TRMT11: variants seen among roughly 807,000 people sequenced by gnomAD.
TRMT11 encodes tRNA methyltransferase 11.
Under a neutral mutation model 62.8 loss-of-function variants are expected in TRMT11, and 53 were observed. The observed-to-expected ratio is 0.84, with a 90% confidence interval of 0.68 to 1.06. The LOEUF is 1.06. Among genes scored for constraint, TRMT11 ranks in the 50% least tolerant of loss-of-function variants. The pLI is 0.00. For synonymous variants in TRMT11, 188 were observed against 190.3 expected (o/e 0.99, Z 0.10); for missense variants, 556 against 553.4 (o/e 1.00, Z -0.05).
chr6:126,112,848 ATTCTTTTT>A (rs533365011), intron 17 of TRMT11, among the ~76,000 whole-genome samples: 104 of 151,818 alleles, frequency 6.9e-4, no homozygotes, highest in African/African-American at 2.3e-3. Context: ...GAGTTTTAGT[ATTCTTTTT>A]TTATTATAGG....
upstream of TRMT11, among the ~76,000 whole-genome samples, chr6:126,175,001 G>A (rs920364766): frequency 6.6e-6 from 1 of 152,200 alleles, no homozygotes; most frequent in Non-Finnish European, 1.5e-5. Context: ...GGAGCATATT[G>A]TATGTGCAAA....
chr6:126,165,494 C>T (rs1778247494), intron 21 of TRMT11, among the ~76,000 whole-genome samples: 1 of 152,192 alleles, frequency 6.6e-6, no homozygotes, highest in African/African-American at 2.4e-5. Flanking sequence ...AAAAATCCCT[C>T]AGCATTTGCT....
intron 21 of TRMT11, among the ~76,000 whole-genome samples, chr6:126,139,940 G>C (rs1271586624): frequency 2.0e-5 from 3 of 151,976 alleles, no homozygotes; most frequent in Admixed American, 2.0e-4. Context: ...GATAGACAAG[G>C]ATGGTGCAGA....
rs769012859 is a variant in TRMT11 at position 125,999,573 on chromosome 6, G to T, written c.639G>T (p.Val213=). Residue 213 remains valine, a synonymous_variant, in exon 7 of 13, where the codon GTG becomes GTT. Transcript: ENST00000334379. ...TCATTATGGCTAACCATGGAAAAGT[G>T]AAAGAAAATGATATTGTCTTTGATC... The part of the protein sequence containing the change: ...LSFIMANHGK[V]KENDIVFDPF... The T allele has an allele frequency of 6.8e-6, 11 of 1,611,718 alleles. No homozygotes were observed. In the African/African-American group the frequency reaches 9.4e-5, roughly 14 times the overall value.
chr6:126,139,861 T>A (rs913275811), intron 21 of TRMT11, among the ~76,000 whole-genome samples: 3 of 152,146 alleles, frequency 2.0e-5, no homozygotes, highest in Admixed American at 6.6e-5. Flanking sequence ...AATTATTATA[T>A]CATTTGCAAA....
chr6:126,013,194 G>T, intron 11 of TRMT11, 93 bp downstream of exon 11: 1 of 1,139,386 alleles, frequency 8.8e-7, no homozygotes, highest in East Asian at 2.5e-5. Flanking sequence ...TGCATTTGGT[G>T]CATCTTTATA....
the TRMT11 span, among the ~76,000 whole-genome samples, chr6:126,262,632 T>C: frequency 6.6e-6 from 1 of 152,182 alleles, no homozygotes; most frequent in Non-Finnish European, 1.5e-5. Flanking sequence ...GTGTGAAATT[T>C]TGGATACTCT....
rs144827448 is a variant in TRMT11 at position 126,038,771 on chromosome 6, C to T, written c.1327C>T (p.Arg443Cys). The change falls in exon 13 of 13, where the codon CGT (arginine) becomes TGT (cysteine). Residue 443 changes from arginine (R) to cysteine (C), a missense_variant. Arg to Cys is a radical substitution (Grantham distance 180). Transcript: ENST00000334379. ...FLPYQGHNSF[R>C]EKYFSGVTKR... Reference sequence around the variant, plus strand: ...GCCATACCAAGGTCATAATTCCTTCCGTGAGAAATATTTTAGTGGGGTAAC... The same window carrying T: ...GCCATACCAAGGTCATAATTCCTTCTGTGAGAAATATTTTAGTGGGGTAAC... 308 of 1,605,290 alleles carry T rather than the reference C, an allele frequency of 1.9e-4. 1 individual carries two copies. The highest frequency in any genetic ancestry group is 3.3e-4 in the Middle Eastern group (2 of 6,026).
intron 21 of TRMT11, among the ~76,000 whole-genome samples, chr6:126,143,175 G>A (rs946826395): frequency 6.6e-6 from 1 of 151,922 alleles, no homozygotes; most frequent in Non-Finnish European, 1.5e-5. Context: ...TGTGCAAATA[G>A]GACTCCAAAA....
chr6:126,238,907 A>G, the TRMT11 span, among the ~76,000 whole-genome samples: 1 of 152,168 alleles, frequency 6.6e-6, no homozygotes, highest in Admixed American at 6.5e-5. Context: ...TATTGGGTGC[A>G]TATATATTTA....
intron 21 of TRMT11, among the ~76,000 whole-genome samples, chr6:126,150,117 G>A (rs1409111880): frequency 6.6e-6 from 1 of 152,126 alleles, no homozygotes; most frequent in Non-Finnish European, 1.5e-5. Context: ...TGGATTAATG[G>A]ACTAATGGAC....
At chr6:126,077,541 A>G (rs1438039331) in intron 17 of TRMT11, among the ~76,000 whole-genome samples, 1 of 152,126 alleles carries the variant, frequency 6.6e-6, no homozygotes, top group Non-Finnish European at 1.5e-5. Flanking sequence ...GGAAACCTCT[A>G]TCTGGAACAC....
chr6:126,006,463 G>A (rs1269848102), intron 7 of TRMT11, among the ~76,000 whole-genome samples: 1 of 151,800 alleles, frequency 6.6e-6, no homozygotes. Context: ...TAACCTTAAA[G>A]TGCTTACTAT....
the TRMT11 span, among the ~76,000 whole-genome samples, chr6:126,271,915 A>G: frequency 6.6e-6 from 1 of 152,220 alleles, no homozygotes; most frequent in East Asian, 1.9e-4. Flanking sequence ...GTGTCAATAG[A>G]TAGCAGACTG....
At chr6:126,032,477 CT>C (rs966855507) in intron 12 of TRMT11, among the ~76,000 whole-genome samples, 1 of 152,144 alleles carries the variant, frequency 6.6e-6, no homozygotes, top group African/African-American at 2.4e-5. Context: ...GTCTCAGAGT[CT>C]TCTCACACGC....
At chr6:126,060,003 T>G (rs992528479) in intron 17 of TRMT11, among the ~76,000 whole-genome samples, 1 of 152,148 alleles carries the variant, frequency 6.6e-6, no homozygotes, top group African/African-American at 2.4e-5. Context: ...AAAATCATGG[T>G]CAATGGAAAC....
intron 17 of TRMT11, among the ~76,000 whole-genome samples, chr6:126,103,172 G>A (rs927750166): frequency 1.3e-5 from 2 of 152,172 alleles, no homozygotes; most frequent in African/African-American, 4.8e-5. Flanking sequence ...ATTTATGCCT[G>A]CCTCATGTAT....
intron 2 of TRMT11, 145 bp from the exon 3 acceptor site, chr6:125,995,822 A>T (rs192789644): frequency 1.6e-6 from 1 of 624,978 alleles, no homozygotes; most frequent in Non-Finnish European, 2.8e-6. Flanking sequence ...TACTATTGGA[A>T]CGATTTTTAT....
chr6:126,068,360 A>C (rs1010063906), intron 17 of TRMT11, among the ~76,000 whole-genome samples: 7 of 152,156 alleles, frequency 4.6e-5, no homozygotes, highest in African/African-American at 1.7e-4. Context: ...CTCTTGACTC[A>C]GGTCGTGAAG....
Sources: allele counts gnomAD v4.1 joint callset (sites outside exome capture counted in the v4.1 genomes callset), GRCh38; gene constraint gnomAD v4.1.1; transcripts MANE v1.5; gene names NCBI Gene and HGNC (gene_info 2026-07-23, HGNC 2026-07-21).